DOK6: variants seen among roughly 807,000 people sequenced by gnomAD.
The protein encoded by DOK6 is docking protein 6.
DOK6 carries 22 observed loss-of-function variants against 44.0 expected under a neutral mutation model. That is an observed-to-expected ratio of 0.50 (90% CI 0.36 to 0.71). DOK6 has a LOEUF of 0.71. Among genes scored for constraint, DOK6 ranks in the 30% least tolerant of loss-of-function variants. DOK6 has a pLI of 0.00. For missense variants in DOK6, 340 were observed against 416.4 expected, an observed-to-expected ratio of 0.82 and a Z score of 1.60; for synonymous variants, 166 against 145.5, an observed-to-expected ratio of 1.14 and a Z score of -1.01.
At chr18:69,596,203 T>G (rs1983736692) in intron 2 of DOK6, among the ~76,000 whole-genome samples, 1 of 152,244 alleles carries the variant, frequency 6.6e-6, no homozygotes, top group Middle Eastern at 3.4e-3. Context: ...ACTATCACTT[T>G]AAAAGATCCC....
chr18:69,673,416 C>T (rs1328015437), intron 3 of DOK6, among the ~76,000 whole-genome samples: 1 of 152,092 alleles, frequency 6.6e-6, no homozygotes, highest in East Asian at 1.9e-4. Flanking sequence ...TCTCTGATCC[C>T]CTTCAAATCA....
chr18:69,729,669 G>A (rs1978342587), intron 5 of DOK6, among the ~76,000 whole-genome samples: 1 of 152,132 alleles, frequency 6.6e-6, no homozygotes, highest in African/African-American at 2.4e-5. Flanking sequence ...AATAGGAATT[G>A]GCTGTCACCG....
chr18:69,631,189 T>C (rs1248283793), intron 3 of DOK6, among the ~76,000 whole-genome samples: 3 of 152,182 alleles, frequency 2.0e-5, no homozygotes, highest in Non-Finnish European at 4.4e-5. Flanking sequence ...AGGAAATATA[T>C]ACAAAATGTA....
At chr18:69,733,773 C>A (rs1452596687) in intron 5 of DOK6, among the ~76,000 whole-genome samples, 1 of 151,888 alleles carries the variant, frequency 6.6e-6, no homozygotes, top group Non-Finnish European at 1.5e-5. Flanking sequence ...GTGTGTAAAC[C>A]CTAAAACCCT....
chr18:69,531,634 T>C (rs1981989223), intron 1 of DOK6, among the ~76,000 whole-genome samples: 1 of 152,136 alleles, frequency 6.6e-6, no homozygotes, highest in South Asian at 2.1e-4. Context: ...CTCCTCATTG[T>C]ACGTTCATTC....
chr18:69,455,156 CAAAAAAAAAAA>C (rs58451274), intron 1 of DOK6, among the ~76,000 whole-genome samples: 2 of 117,448 alleles, frequency 1.7e-5, no homozygotes, highest in Non-Finnish European at 3.5e-5. Flanking sequence ...ATAGCTATAG[CAAAAAAAAAAA>C]AAAAAAAGAA....
intron 7 of DOK6, among the ~76,000 whole-genome samples, chr18:69,796,805 A>G (rs1980759729): frequency 6.6e-6 from 1 of 152,320 alleles, no homozygotes; most frequent in Admixed American, 6.5e-5. Flanking sequence ...TGTAATTCTC[A>G]TATGCTTGTT....
intron 5 of DOK6, among the ~76,000 whole-genome samples, chr18:69,715,639 T>C (rs1273936005): frequency 6.6e-6 from 1 of 152,222 alleles, no homozygotes; most frequent in African/African-American, 2.4e-5. Context: ...AATGAATTCT[T>C]CCAACTTTAC....
chr18:69,522,717 C>T (rs1981721110), intron 1 of DOK6, among the ~76,000 whole-genome samples: 1 of 152,028 alleles, frequency 6.6e-6, no homozygotes, highest in African/African-American at 2.4e-5. Flanking sequence ...ACAAATGTTC[C>T]TCATGGATAA....
chr18:69,591,262 C>G (rs1983615781), intron 2 of DOK6, among the ~76,000 whole-genome samples: 1 of 152,076 alleles, frequency 6.6e-6, no homozygotes, highest in African/African-American at 2.4e-5. Context: ...TCATAGGTCA[C>G]TTCTGCTGTA....
At chr18:69,528,162 CAA>C (rs1555710307) in intron 1 of DOK6, among the ~76,000 whole-genome samples, 27 of 70,668 alleles carry the variant, frequency 3.8e-4, no homozygotes, top group Non-Finnish European at 4.0e-4. Flanking sequence ...GACTCTGTCT[CAA>C]AAAAAAAAAA....
chr18:69,776,581 A>C (rs778567167), intron 7 of DOK6, among the ~76,000 whole-genome samples: 1 of 152,074 alleles, frequency 6.6e-6, no homozygotes, highest in African/African-American at 2.4e-5. Context: ...CTAAGCACTC[A>C]ACCTTGTAGG....
chr18:69,527,504 A>G (rs1981864062), intron 1 of DOK6, among the ~76,000 whole-genome samples: 1 of 152,190 alleles, frequency 6.6e-6, no homozygotes, highest in Non-Finnish European at 1.5e-5. Context: ...CATGGTGGTA[A>G]CTGCCCCCGT....
chr18:69,430,556 T>C (rs1447479907), intron 1 of DOK6, among the ~76,000 whole-genome samples: 1 of 152,198 alleles, frequency 6.6e-6, no homozygotes, highest in Non-Finnish European at 1.5e-5. Context: ...TATTCATTCT[T>C]TGAATGAATC....
At chr18:69,630,269 G>A (rs941459388) in intron 3 of DOK6, among the ~76,000 whole-genome samples, 22 of 152,122 alleles carry the variant, frequency 1.4e-4, no homozygotes, top group Non-Finnish European at 2.9e-4. Context: ...TTTTACATGT[G>A]ATGTTTCAAA....
At chr18:69,511,357 C>T (rs1337776554) in intron 1 of DOK6, among the ~76,000 whole-genome samples, 1 of 152,130 alleles carries the variant, frequency 6.6e-6, no homozygotes. Context: ...CTGTAGTCAA[C>T]TCTCTAAAAC....
chr18:69,571,491 G>C (rs1219205238), intron 2 of DOK6, among the ~76,000 whole-genome samples: 2 of 151,940 alleles, frequency 1.3e-5, no homozygotes, highest in Non-Finnish European at 2.9e-5. Flanking sequence ...GTCTACAAAA[G>C]ATGCACATTA....
At chr18:69,444,894 C>T (rs1979239423) in intron 1 of DOK6, among the ~76,000 whole-genome samples, 1 of 152,050 alleles carries the variant, frequency 6.6e-6, no homozygotes, top group Admixed American at 6.6e-5. Flanking sequence ...ATGGAAATTA[C>T]ATTGATTCTG....
At chr18:69,754,172 A>G (rs983336701) in intron 6 of DOK6, among the ~76,000 whole-genome samples, 8 of 151,994 alleles carry the variant, frequency 5.3e-5, no homozygotes, top group African/African-American at 1.9e-4. Context: ...TTTTAATTAA[A>G]TAGTTAAGGA....
Sources: allele counts gnomAD v4.1 joint callset (sites outside exome capture counted in the v4.1 genomes callset), GRCh38; gene constraint gnomAD v4.1.1; transcripts MANE v1.5; gene names NCBI Gene and HGNC (gene_info 2026-07-23, HGNC 2026-07-21).